The following CFDP1 variants were observed in gnomAD, a reference collection of about 807,000 sequenced individuals.
CFDP1 encodes chromatin remodeling protein CFDP1.
Under a neutral mutation model 40.1 loss-of-function variants are expected in CFDP1, and 31 were observed. That is an observed-to-expected ratio of 0.77 (90% confidence interval 0.58 to 1.04). The LOEUF is 1.04. Among genes scored for constraint, CFDP1 ranks in the 50% least tolerant of loss-of-function variants. The pLI is 0.00. For missense variants in CFDP1, 423 were observed against 343.4 expected, an observed-to-expected ratio of 1.23 and a Z score of -1.83; for synonymous variants, 167 against 120.0, an observed-to-expected ratio of 1.39 and a Z score of -2.56.
chr16:75,335,626 G>A (rs1014546106), intron 5 of CFDP1, among the ~76,000 whole-genome samples: 7 of 148,110 alleles, frequency 4.7e-5, no homozygotes, highest in Non-Finnish European at 1.0e-4. Context: ...GCACGATCTC[G>A]GCTCACTGCA....
At chr16:75,305,371 T>G in intron 5 of CFDP1, 189 bp from the exon 6 acceptor site, 1 of 595,488 alleles carries the variant, frequency 1.7e-6, no homozygotes, top group Non-Finnish European at 2.9e-6. Context: ...AATGTGCTTT[T>G]CCTGCTTAAC....
At chr16:75,299,973 G>A (rs1397042488) in intron 6 of CFDP1, among the ~76,000 whole-genome samples, 1 of 152,148 alleles carries the variant, frequency 6.6e-6, no homozygotes, top group Non-Finnish European at 1.5e-5. Context: ...GCGAGCTGGG[G>A]GAGAAGAGGA....
intron 5 of CFDP1, among the ~76,000 whole-genome samples, chr16:75,343,523 A>G (rs2078540928): frequency 6.6e-6 from 1 of 152,226 alleles, no homozygotes; most frequent in Admixed American, 6.5e-5. Flanking sequence ...AATGTAGAGA[A>G]AATGTATGTG....
At chr16:75,431,471 A>AAAG (rs2079415837) in intron 1 of CFDP1, among the ~76,000 whole-genome samples, 4 of 148,924 alleles carry the variant, frequency 2.7e-5, no homozygotes, top group Middle Eastern at 3.5e-3. Flanking sequence ...AAAAAAAAAA[A>AAAG]AAAAAAGAAA....
intron 5 of CFDP1, among the ~76,000 whole-genome samples, chr16:75,373,534 C>CA (rs1342075102): frequency 6.6e-6 from 1 of 152,200 alleles, no homozygotes; most frequent in Non-Finnish European, 1.5e-5. Context: ...GCCCACCCCC[C>CA]ATTCTACCTA....
chr16:75,424,947 A>C (rs1370126206), intron 1 of CFDP1, among the ~76,000 whole-genome samples: 1 of 152,184 alleles, frequency 6.6e-6, no homozygotes, highest in Non-Finnish European at 1.5e-5. Flanking sequence ...AAAATCCCAC[A>C]GAATCTACAA....
At chr16:75,406,049 T>C (rs1203113002) in intron 4 of CFDP1, among the ~76,000 whole-genome samples, 1 of 150,596 alleles carries the variant, frequency 6.6e-6, no homozygotes, top group Non-Finnish European at 1.5e-5. Flanking sequence ...CAGGACCACC[T>C]TGGGCAACAC....
At chr16:75,303,672 A>T (rs1386480008) in intron 6 of CFDP1, among the ~76,000 whole-genome samples, 2 of 152,124 alleles carry the variant, frequency 1.3e-5, no homozygotes, top group Admixed American at 1.3e-4. Context: ...CTTAAAAAAA[A>T]CTTGAATGAC....
At chr16:75,294,337 G>T (rs1168589304) in intron 6 of CFDP1, among the ~76,000 whole-genome samples, 1 of 152,226 alleles carries the variant, frequency 6.6e-6, no homozygotes, top group East Asian at 1.9e-4. Flanking sequence ...GTTTACACAA[G>T]CATGGGTTCA....
intron 5 of CFDP1, among the ~76,000 whole-genome samples, chr16:75,327,112 CA>C (rs2078407560): frequency 6.6e-6 from 1 of 152,040 alleles, no homozygotes; most frequent in African/African-American, 2.4e-5. Context: ...ACTAAAAATA[CA>C]AAAAATAGCT....
rs543520656 is a variant in CFDP1 at position 75,314,034 on chromosome 16, G to A, written c.651-8852C>T. 1.1e-4 allele frequency among the ~76,000 whole-genome samples: 16 copies of A among 152,124 alleles called. No homozygotes were observed. The East Asian group carries it at 2.1e-3, about 20-fold the overall frequency. On this transcript the variant is annotated intron_variant, in intron 5 of 6. Transcript: ENST00000283882. ...CGAGTAGCTGGGGTTACAGGTGACC[G>A]CTACCATGCCTGGCTAATTTTTGCA...
In CFDP1 at chr16:75,403,544, T is replaced by C. The variant is rs538011124; in HGVS notation, c.530+8281A>G. On this transcript the variant is annotated intron_variant, in intron 4 of 6. Coordinates refer to ENST00000283882, the MANE Select transcript of CFDP1 (RefSeq NM_006324.3). ...TAATGACTTCTTACAGCAACAGTTATTTACCAGCTTTTTGTACACTCTATG... is the reference window on the plus strand; with the variant it reads ...TAATGACTTCTTACAGCAACAGTTACTTACCAGCTTTTTGTACACTCTATG... 2.1e-4 allele frequency among the ~76,000 whole-genome samples: 32 copies of C among 152,284 alleles called. No individual in the cohort carries two copies. In the South Asian group the frequency reaches 6.6e-3, roughly 32 times the overall value.
At chr16:75,374,252 A>C (rs2078775131) in intron 5 of CFDP1, among the ~76,000 whole-genome samples, 1 of 152,136 alleles carries the variant, frequency 6.6e-6, no homozygotes, top group African/African-American at 2.4e-5. Flanking sequence ...AATAAAATAA[A>C]ATAAATTATA....
chr16:75,347,853 C>A (rs750730005), intron 5 of CFDP1, among the ~76,000 whole-genome samples: 2 of 152,086 alleles, frequency 1.3e-5, no homozygotes, highest in Non-Finnish European at 2.9e-5. Context: ...ACATCCATAA[C>A]CTCATTCTCA....
At chr16:75,342,394 ACT>A (rs1199585297) in intron 5 of CFDP1, among the ~76,000 whole-genome samples, 1 of 152,106 alleles carries the variant, frequency 6.6e-6, no homozygotes, top group African/African-American at 2.4e-5. Context: ...TGTATCCAAA[ACT>A]CTGCCATGTC....
chr16:75,404,961 T>C (rs2079086020), intron 4 of CFDP1, among the ~76,000 whole-genome samples: 1 of 152,200 alleles, frequency 6.6e-6, no homozygotes, highest in African/African-American at 2.4e-5. Context: ...GGGGAAAAAC[T>C]GAATGGAATC....
chr16:75,298,886 G>C (rs1040525324), intron 6 of CFDP1, among the ~76,000 whole-genome samples: 1 of 152,150 alleles, frequency 6.6e-6, no homozygotes, highest in African/African-American at 2.4e-5. Flanking sequence ...ATTTTCTTCA[G>C]TCCCTCCTTC....
chr16:75,429,203 C>G (rs1212321682), intron 1 of CFDP1, among the ~76,000 whole-genome samples: 1 of 152,140 alleles, frequency 6.6e-6, no homozygotes, highest in African/African-American at 2.4e-5. Flanking sequence ...GAGCAGAAAT[C>G]AGTAACAAAA....
intron 5 of CFDP1, among the ~76,000 whole-genome samples, chr16:75,335,556 T>TTC (rs2078481023): frequency 7.0e-6 from 1 of 142,928 alleles, no homozygotes; most frequent in African/African-American, 2.6e-5. Context: ...AAATCTCCAT[T>TTC]TTTTTTTTTT....
Sources: gnomAD v4.1 joint callset for allele counts (sites outside exome capture counted in the v4.1 genomes callset) on GRCh38, gnomAD v4.1.1 for gene constraint, MANE v1.5 for transcripts, NCBI Gene and HGNC (gene_info 2026-07-23, HGNC 2026-07-21) for gene names.